The following SYT16 variants were observed in gnomAD, a reference collection of about 807,000 sequenced individuals.
SYT16 encodes the protein synaptotagmin-16.
In SYT16, 42 loss-of-function variants were observed where a neutral mutation model predicts 61.4. That is an observed-to-expected ratio of 0.68 (90% CI 0.53 to 0.89). SYT16 has a LOEUF of 0.89. Ranked by LOEUF, SYT16 falls within the 40% of genes least tolerant of loss-of-function variation. The pLI, the probability that SYT16 is intolerant of heterozygous loss-of-function variation, is 0.00. For missense variants in SYT16, 804 were observed against 807.3 expected (o/e 1.00, Z 0.05); for synonymous variants, 314 against 302.3 (o/e 1.04, Z -0.40).
intron 1 of SYT16, among the ~76,000 whole-genome samples, chr14:61,908,522 T>C (rs1229244848): frequency 6.6e-6 from 1 of 152,182 alleles, no homozygotes; most frequent in Non-Finnish European, 1.5e-5. Flanking sequence ...ATGGGATTCA[T>C]TTAATTTGAA....
intron 3 of SYT16, among the ~76,000 whole-genome samples, chr14:62,016,359 C>A (rs2053676338): frequency 6.6e-6 from 1 of 152,082 alleles, no homozygotes. Context: ...AGATCATCAT[C>A]ATTTGAGTCT....
chr14:61,978,157 A>T (rs1238902189), intron 2 of SYT16, among the ~76,000 whole-genome samples: 2 of 152,056 alleles, frequency 1.3e-5, no homozygotes, highest in South Asian at 2.1e-4. Flanking sequence ...TTTTCAAATA[A>T]TATAACATGC....
At chr14:61,830,908 G>A (rs1039456065) in intron 1 of SYT16, among the ~76,000 whole-genome samples, 8 of 152,176 alleles carry the variant, frequency 5.3e-5, no homozygotes, top group African/African-American at 1.9e-4. Flanking sequence ...GGTCAACAGG[G>A]CTCTTCACAG....
Position 62,103,512 on chromosome 14 carries a change from C to T in SYT16, c.*2805C>T, listed in dbSNP as rs552894238. On this transcript the variant is annotated 3_prime_UTR_variant, in exon 8 of 8. Coordinates refer to ENST00000683842, the MANE Select transcript of SYT16 (RefSeq NM_001367656.1). ...TGCCTTCTTTTAGGGTGTGAGTTTACACTGAATTGAGAAATCCTGATTTCA... is the reference window on the plus strand; with the variant it reads ...TGCCTTCTTTTAGGGTGTGAGTTTATACTGAATTGAGAAATCCTGATTTCA... 7.2e-4 allele frequency: 110 copies of T among 152,282 alleles called. No homozygotes were observed. Among genetic ancestry groups the T allele is most frequent in the African/African-American group, 2.5e-3 (104 of 41,558 alleles). The allele number at this position is 152,282 out of a possible 1,614,324, so 9.4% of individuals were successfully genotyped here.
intron 1 of SYT16, among the ~76,000 whole-genome samples, chr14:61,875,198 G>T (rs1175054464): frequency 1.3e-5 from 2 of 152,208 alleles, no homozygotes; most frequent in Non-Finnish European, 2.9e-5. Flanking sequence ...CCTGATATCA[G>T]TGTTATGGCT....
chr14:61,845,039 CTTTT>C (rs35131511), intron 1 of SYT16, among the ~76,000 whole-genome samples: 6 of 97,620 alleles, frequency 6.1e-5, no homozygotes, highest in African/African-American at 1.4e-4. Flanking sequence ...TACTAGAAGA[CTTTT>C]TTTTTTTTTT....
chr14:61,958,420 C>G (rs1595015004), intron 1 of SYT16, among the ~76,000 whole-genome samples: 1 of 151,730 alleles, frequency 6.6e-6, no homozygotes, highest in South Asian at 2.1e-4. Flanking sequence ...CTTTAAACTT[C>G]TCTTCTAGTA....
chr14:62,033,227 A>T (rs928967330), intron 3 of SYT16, among the ~76,000 whole-genome samples: 1 of 124 alleles, frequency 8.1e-3, no homozygotes, highest in African/African-American at 0.018. Flanking sequence ...TCAAAATAAG[A>T]ATGTGTACTT....
intron 3 of SYT16, among the ~76,000 whole-genome samples, chr14:62,035,906 A>C (rs999631342): frequency 1.3e-5 from 2 of 152,166 alleles, no homozygotes; most frequent in Non-Finnish European, 2.9e-5. Context: ...GATGGGGCTA[A>C]TTAATTACTG....
At chr14:61,918,609 A>T (rs1401515048) in intron 1 of SYT16, among the ~76,000 whole-genome samples, 1 of 152,180 alleles carries the variant, frequency 6.6e-6, no homozygotes, top group East Asian at 1.9e-4. Flanking sequence ...CAAGAAAAGC[A>T]TGATGTTTTA....
chr14:61,996,098 G>T lies in SYT16; in HGVS notation c.79G>T (p.Ala27Ser), dbSNP rs1221287115. ...FSSWISRVYE[A>S]LQQAGDMLSA... is the part of the protein sequence containing the mutation. ...TTCCTGGATATCTCGGGTTTATGAA[G>T]CTCTCCAGCAAGCAGGAGATATGTT... The change falls in exon 3 of 8, where the codon GCT becomes TCT. Residue 27 changes from alanine (A) to serine (S), a missense_variant. Coordinates refer to ENST00000683842, the MANE Select transcript of SYT16 (RefSeq NM_001367656.1). 1.2e-6 allele frequency: 2 copies of T among 1,612,828 alleles called. No individual in the cohort carries two copies. Among genetic ancestry groups the T allele is most frequent in the South Asian group, 2.2e-5 (2 of 90,950 alleles).
At chr14:61,923,780 A>T (rs553889941) in intron 1 of SYT16, among the ~76,000 whole-genome samples, 1 of 152,266 alleles carries the variant, frequency 6.6e-6, no homozygotes, top group Admixed American at 6.5e-5. Flanking sequence ...TTTTAAAAAA[A>T]AGTTCTTGAA....
intron 3 of SYT16, among the ~76,000 whole-genome samples, chr14:62,038,907 T>G (rs564576753): frequency 6.6e-6 from 1 of 152,332 alleles, no homozygotes; most frequent in Admixed American, 6.5e-5. Flanking sequence ...TAATAAACGT[T>G]GCGTAGAGTT....
chr14:61,979,680 G>A (rs1566734310), intron 2 of SYT16, among the ~76,000 whole-genome samples: 1 of 152,134 alleles, frequency 6.6e-6, no homozygotes, highest in Non-Finnish European at 1.5e-5. Flanking sequence ...TCAAGAGATC[G>A]AGATCATCCT....
intron 7 of SYT16, among the ~76,000 whole-genome samples, chr14:62,091,659 G>A (rs547568876): frequency 6.6e-6 from 1 of 152,116 alleles, no homozygotes; most frequent in African/African-American, 2.4e-5. Flanking sequence ...ACCTGCAAAA[G>A]CATGAAGGTT....
chr14:62,058,629 GC>G (rs1486387655), intron 3 of SYT16, among the ~76,000 whole-genome samples: 1 of 152,110 alleles, frequency 6.6e-6, no homozygotes, highest in African/African-American at 2.4e-5. Context: ...CTCCCAAAGT[GC>G]TGGGATTACA....
chr14:61,989,024 GT>G (rs1327895634), intron 2 of SYT16, among the ~76,000 whole-genome samples: 2 of 151,856 alleles, frequency 1.3e-5, no homozygotes, highest in African/African-American at 2.4e-5. Flanking sequence ...CTGAGCCTCA[GT>G]TTTTTTCAAC....
chr14:61,891,193 T>A (rs1006068141), intron 1 of SYT16, among the ~76,000 whole-genome samples: 27 of 152,100 alleles, frequency 1.8e-4, no homozygotes, highest in African/African-American at 6.0e-4. Context: ...CTTTAATTTA[T>A]CTTTTGGTCC....
chr14:61,963,610 C>T (rs917434222), intron 1 of SYT16, among the ~76,000 whole-genome samples: 1 of 152,184 alleles, frequency 6.6e-6, no homozygotes. Context: ...ATCCCCATTA[C>T]ATGAAAGAGC....
Sources: allele counts gnomAD v4.1 joint callset (sites outside exome capture counted in the v4.1 genomes callset), GRCh38; gene constraint gnomAD v4.1.1; transcripts MANE v1.5; gene names NCBI Gene and HGNC (gene_info 2026-07-23, HGNC 2026-07-21).